The following CSE1L variants were observed in gnomAD, a reference collection of about 807,000 sequenced individuals.
CSE1L encodes the protein exportin-2.
CSE1L carries 24 observed loss-of-function variants against 120.4 expected under a neutral mutation model. The ratio of observed to expected loss-of-function variants is 0.20; its 90% CI spans 0.14 to 0.28. The LOEUF (loss-of-function observed/expected upper bound fraction) is 0.28. Among genes scored for constraint, CSE1L ranks in the 10% least tolerant of loss-of-function variants. The probability of loss-of-function intolerance (pLI) is 1.00; values close to 1 mark genes in which losing one functional copy is unlikely to be tolerated. For synonymous variants in CSE1L, 402 were observed against 398.3 expected (o/e 1.01, Z -0.11); for missense variants, 830 against 1,145.2 (o/e 0.72, Z 3.97).
intron 1 of CSE1L, among the ~76,000 whole-genome samples, chr20:49,047,448 C>T (rs1370673718): frequency 2.0e-5 from 3 of 151,738 alleles, no homozygotes; most frequent in Non-Finnish European, 4.4e-5. Flanking sequence ...CTTTTGTTTG[C>T]TGGGGAAGTA....
intron 8 of CSE1L, 70 bp from the exon 9 acceptor site, chr20:49,072,216 T>TA: frequency 6.6e-7 from 1 of 1,523,558 alleles, no homozygotes; most frequent in Non-Finnish European, 8.9e-7. Context: ...GTTCAGGAAT[T>TA]TCAGTTACTC....
chr20:49,072,763 C>A (rs2091942454), intron 10 of CSE1L, 66 bp downstream of exon 10: 1 of 1,400,616 alleles, frequency 7.1e-7, no homozygotes, highest in South Asian at 1.5e-5. Flanking sequence ...GTAACATATT[C>A]AGTCTAATTC....
chr20:49,051,804 C>A (rs1259862815), intron 1 of CSE1L, among the ~76,000 whole-genome samples: 1 of 152,182 alleles, frequency 6.6e-6, no homozygotes, highest in Admixed American at 6.5e-5. Flanking sequence ...CTTAACCAGT[C>A]CTTCTGCCTC....
At chr20:49,089,881 C>A in intron 19 of CSE1L, 135 bp downstream of exon 19, 1 of 769,616 alleles carries the variant, frequency 1.3e-6, no homozygotes, top group Non-Finnish European at 2.1e-6. Context: ...ACTTTGGGAG[C>A]CTCTAGTGGG....
At chr20:49,063,401 A>G (rs1490589906) in intron 3 of CSE1L, 57 bp downstream of exon 3, 3 of 1,171,716 alleles carry the variant, frequency 2.6e-6, no homozygotes, top group Non-Finnish European at 3.5e-6. Flanking sequence ...GGTTTATATA[A>G]GCAGTGTTCT....
intron 22 of CSE1L, among the ~76,000 whole-genome samples, chr20:49,092,635 C>T (rs914313526): frequency 1.3e-5 from 2 of 151,610 alleles, no homozygotes; most frequent in African/African-American, 2.4e-5. Context: ...GGGAACATCA[C>T]ACTCTGGGGC....
chr20:49,059,593 T>G (rs1419009269), intron 2 of CSE1L, among the ~76,000 whole-genome samples: 1 of 151,960 alleles, frequency 6.6e-6, no homozygotes, highest in Non-Finnish European at 1.5e-5. Flanking sequence ...TTCAAAAGAT[T>G]TTGGGGCCGG....
At chr20:49,047,591 T>G (rs1298105400) in intron 1 of CSE1L, among the ~76,000 whole-genome samples, 2 of 114,866 alleles carry the variant, frequency 1.7e-5, no homozygotes, top group East Asian at 3.0e-4. Flanking sequence ...TTTTTTTTTT[T>G]TGAGAGAGAG....
At chr20:49,057,929 G>T (rs2091821824) in intron 1 of CSE1L, among the ~76,000 whole-genome samples, 1 of 151,980 alleles carries the variant, frequency 6.6e-6, no homozygotes, top group Admixed American at 6.6e-5. Context: ...ACCATGCCCG[G>T]CTTCAATTTT....
chr20:49,058,487 G>A lies in CSE1L; in HGVS notation c.24G>A (p.Leu8=). The A allele has an allele frequency of 6.2e-7, 1 of 1,613,590 alleles. No individual in the cohort carries two copies. The highest frequency in any genetic ancestry group is 1.3e-5 in the African/African-American group (1 of 75,020). Residue 8 remains leucine, a synonymous_variant, in exon 2 of 25, where the codon CTG becomes CTA. Coordinates refer to ENST00000262982, the MANE Select transcript of CSE1L (RefSeq NM_001316.4). ...CAATGGAACTCAGCGATGCAAATCT[G>A]CAAACACTAACAGAATATTTAAAGA... MELSDAN[L]QTLTEYLKKT... is the part of the protein sequence containing the mutation.
rs11471947 is a variant in CSE1L at position 49,085,562 on chromosome 20, A to ATTTTTTTTTTTTTTT, written c.1723+189_1723+203dup. ...ATTATCTTGTTTACTACTAACAATA[A>ATTTTTTTTTTTTTTT]TTTTTTTTTTTTTTTTTTTTTTTTT... On this transcript the variant is annotated intron_variant, in intron 16 of 24. Transcript: ENST00000262982. Among the ~76,000 whole-genome samples, 61 of 80,246 alleles carry ATTTTTTTTTTTTTTT rather than the reference A, an allele frequency of 7.6e-4. 7 individuals carry two copies. The highest frequency in any genetic ancestry group is 1.0e-3 in the Admixed American group (6 of 5,718). 52.6% of individuals were successfully genotyped at this position (80,246 alleles called of 152,430 possible). A position where few individuals can be genotyped will look rare whatever the true frequency, so the allele number is the denominator to read the frequency against.
intron 15 of CSE1L, 65 bp downstream of exon 15, chr20:49,084,227 T>G: frequency 7.0e-7 from 1 of 1,432,180 alleles, no homozygotes; most frequent in Non-Finnish European, 9.5e-7. Context: ...GTCAAAGATA[T>G]CTGAATGTTT....
chr20:49,089,240 A>G lies in CSE1L; in HGVS notation c.1822-7A>G. ...AGCATAATTAGGTTTTTTTTTTTTA[A>G]TTTCAGAACCCAAGCAAACCTCACT... On this transcript the variant is annotated splice_polypyrimidine_tract_variant and splice_region_variant and intron_variant, in intron 17 of 24. Transcript: ENST00000262982. 6.5e-7 allele frequency: 1 copy of G among 1,545,436 alleles called. No individual in the cohort carries two copies. The highest frequency in any genetic ancestry group is 8.7e-7 in the Non-Finnish European group (1 of 1,154,418).
At chr20:49,083,194 T>C (rs1338962223) in intron 14 of CSE1L, among the ~76,000 whole-genome samples, 4 of 151,906 alleles carry the variant, frequency 2.6e-5, no homozygotes, top group Admixed American at 2.0e-4. Context: ...CTGGCTAATT[T>C]TTTGTATTTT....
At chr20:49,093,375 A>G (rs942911094) in intron 22 of CSE1L, among the ~76,000 whole-genome samples, 1 of 151,950 alleles carries the variant, frequency 6.6e-6, no homozygotes, top group Non-Finnish European at 1.5e-5. Flanking sequence ...AGAATTACGG[A>G]AAACTTCACT....
At chr20:49,082,008 A>G (rs2092016654) in intron 14 of CSE1L, among the ~76,000 whole-genome samples, 1 of 152,096 alleles carries the variant, frequency 6.6e-6, no homozygotes, top group Non-Finnish European at 1.5e-5. Flanking sequence ...AATTCGGTGT[A>G]TTTGACACCC....
chr20:49,067,116 A>ATCTCTCCT, intron 5 of CSE1L, 74 bp from the exon 6 acceptor site: 1 of 775,726 alleles, frequency 1.3e-6, no homozygotes, highest in Non-Finnish European at 2.1e-6. Context: ...TCCAATCAGC[A>ATCTCTCCT]TCTCTCCTTG....
intron 8 of CSE1L, among the ~76,000 whole-genome samples, chr20:49,070,973 AAG>A (rs539240727): frequency 6.6e-6 from 1 of 152,140 alleles, no homozygotes; most frequent in African/African-American, 2.4e-5. Flanking sequence ...CAGCTCGAGA[AAG>A]AGAGAAAATG....
rs1335677750 is a variant in CSE1L, at chr20:49,076,980, C to T, written c.1336C>T (p.His446Tyr). Residue 446 changes from histidine to tyrosine, a missense_variant and splice_region_variant, in exon 13 of 25, where the codon CAT (histidine) becomes TAT (tyrosine). His to Tyr is a moderately conservative substitution (Grantham distance 83, BLOSUM62 2). Coordinates refer to ENST00000262982, the MANE Select transcript of CSE1L (RefSeq NM_001316.4). Reference protein sequence around the residue: ...SLASKAQTQKHGITQANELVN... With the variant: ...SLASKAQTQKYGITQANELVN... The stretch of plus-strand genomic sequence containing the variant: ...ACTATGTTATGAATTTGCTTTTCAG[C>T]ATGGAATTACACAAGCAAATGAACT... 3.1e-6 allele frequency: 5 copies of T among 1,590,500 alleles called. No homozygotes were observed. Among genetic ancestry groups the T allele is most frequent in the Non-Finnish European group, 8.6e-7 (1 of 1,169,036 alleles).
Sources: gnomAD v4.1 joint callset for allele counts (sites outside exome capture counted in the v4.1 genomes callset) on GRCh38, gnomAD v4.1.1 for gene constraint, MANE v1.5 for transcripts, NCBI Gene and HGNC (gene_info 2026-07-23, HGNC 2026-07-21) for gene names.